Variants in UBIAD1 observed in about 807,000 individuals in gnomAD.
The protein encoded by UBIAD1 is UbiA prenyltransferase domain containing 1, also known as ubiA prenyltransferase domain-containing protein 1.
Under a neutral mutation model 20.1 loss-of-function variants are expected in UBIAD1, and 12 were observed. The observed-to-expected ratio is 0.60, with a 90% CI of 0.38 to 0.97. UBIAD1 has a LOEUF of 0.97. Ranked by LOEUF, UBIAD1 falls within the 50% of genes least tolerant of loss-of-function variation. The pLI is 0.00. For missense variants in UBIAD1, 333 were observed against 419.5 expected, an observed-to-expected ratio of 0.79 and a Z score of 1.80; for synonymous variants, 207 against 189.2, an observed-to-expected ratio of 1.09 and a Z score of -0.77.
intron 1 of UBIAD1, among the ~76,000 whole-genome samples, chr1:11,282,738 T>C (rs1652284094): frequency 6.7e-6 from 1 of 148,800 alleles, no homozygotes; most frequent in Non-Finnish European, 1.5e-5. Flanking sequence ...AATTTTTTTT[T>C]GTATTTTTAG....
chr1:11,279,256 G>C (rs1282456869), intron 1 of UBIAD1: 1 of 228,482 alleles, frequency 4.4e-6, no homozygotes, highest in Non-Finnish European at 9.5e-6. Context: ...TAAGGCCCCA[G>C]TTAATCATAC....
At chr1:11,290,485 C>T (rs1012661658), downstream of UBIAD1, among the ~76,000 whole-genome samples, 6 of 152,222 alleles carry the variant, frequency 3.9e-5, no homozygotes, top group African/African-American at 1.4e-4. Context: ...AGTCTTGGAG[C>T]ACTACCACTC....
chr1:11,280,913 C>T (rs1471585611), intron 1 of UBIAD1, among the ~76,000 whole-genome samples: 2 of 152,172 alleles, frequency 1.3e-5, no homozygotes, highest in African/African-American at 4.8e-5. Flanking sequence ...TCTTCAGTGG[C>T]TCCCATCTTG....
chr1:11,294,721 G>A (rs995453409), intron 1 of UBIAD1, among the ~76,000 whole-genome samples: 1 of 152,166 alleles, frequency 6.6e-6, no homozygotes, highest in African/African-American at 2.4e-5. Context: ...TGGCTGGCTG[G>A]GCGAAAGTTA....
downstream of UBIAD1, among the ~76,000 whole-genome samples, chr1:11,292,420 G>T (rs1039611275): frequency 1.3e-5 from 2 of 152,130 alleles, no homozygotes; most frequent in East Asian, 1.9e-4. Flanking sequence ...ATGATTCCTC[G>T]TCAGGAACAT....
intron 1 of UBIAD1, among the ~76,000 whole-genome samples, chr1:11,274,942 TA>T (rs939156673): frequency 6.6e-6 from 1 of 152,152 alleles, no homozygotes; most frequent in Admixed American, 6.6e-5. Context: ...TTTTTTTTTT[TA>T]ATCACTCATA....
In UBIAD1 at chr1:11,288,318, G is replaced by A. The variant is rs886045086; in HGVS notation, c.*2187G>A. ...ATTTTTATATATAAATGTTCCCAAA[G>A]GCCAAATTTGTTGCCAGGTTTTATA... On this transcript the variant is annotated 3_prime_UTR_variant, in exon 2 of 2. Coordinates refer to ENST00000376810, the MANE Select transcript of UBIAD1 (RefSeq NM_013319.3). 6.6e-6 allele frequency: 1 copy of A among 152,140 alleles called. No individual in the cohort carries two copies. Among genetic ancestry groups the A allele is most frequent in the African/African-American group, 2.4e-5 (1 of 41,422 alleles). The allele number at this position is 152,140 out of a possible 1,614,324, so 9.4% of individuals were successfully genotyped here. A position where few individuals can be genotyped will look rare whatever the true frequency, so the allele number is the denominator to read the frequency against.
chr1:11,277,412 T>A (rs1231751234), intron 1 of UBIAD1, among the ~76,000 whole-genome samples: 1 of 151,330 alleles, frequency 6.6e-6, no homozygotes, highest in Non-Finnish European at 1.5e-5. Context: ...TCCCAGTAGC[T>A]GGGATTACAG....
In UBIAD1 at chr1:11,285,019, A is replaced by AG. The variant is rs755990425; in HGVS notation, c.530-623dup. On this transcript the variant is annotated intron_variant, in intron 1 of 1. Transcript: ENST00000376810. The surrounding 1 kb of genome is among the most constrained non-coding windows in gnomAD (Gnocchi z 4.4). ...AGTAGATGAGCAGGACAGAAACAGG[A>AG]GGTAGGGGTGGTTTAGTTTCAATCT... Among the ~76,000 whole-genome samples, 12 of 152,244 alleles carry AG rather than the reference A, an allele frequency of 7.9e-5. No individual in the cohort carries two copies. The highest frequency in any genetic ancestry group is 1.5e-4 in the Non-Finnish European group (10 of 68,010).
At chr1:11,295,914 T>C (rs1638439970), downstream of UBIAD1, 1 of 152,212 alleles carries the variant, frequency 6.6e-6, no homozygotes, top group South Asian at 2.1e-4. Context: ...ACATAGACAC[T>C]TGTCCCTAGA....
At chr1:11,280,995 C>T (rs115405820) in intron 1 of UBIAD1, among the ~76,000 whole-genome samples, 1,738 of 152,108 alleles carry the variant, frequency 0.011, 12 homozygotes, top group Non-Finnish European at 0.017. Context: ...TTTTGCCCTC[C>T]CCCCAGTTCT....
chr1:11,281,393 C>T (rs898225237), intron 1 of UBIAD1, among the ~76,000 whole-genome samples: 1 of 152,162 alleles, frequency 6.6e-6, no homozygotes, highest in Admixed American at 6.5e-5. Flanking sequence ...TCCCTCCCTG[C>T]AGTCAGGGAT....
At position 11,277,717 on chromosome 1, in the gene UBIAD1, G is replaced by T. The variant is rs148081534; in HGVS notation, c.529+3657G>T. On this transcript the variant is annotated intron_variant, in intron 1 of 1. Coordinates refer to ENST00000376810, the MANE Select transcript of UBIAD1 (RefSeq NM_013319.3). ...GGCTGGAGTACAATGGCACGATCTC[G>T]GCTCACCACAACCTCCACCTCCGGG... Among the ~76,000 whole-genome samples the T allele has an allele frequency of 9.0e-3, 1,373 of 152,082 alleles. 27 individuals are homozygous for T. Among genetic ancestry groups the T allele is most frequent in the African/African-American group, 0.031 (1,296 of 41,472 alleles).
At chr1:11,284,744 G>A (rs1638222325) in intron 1 of UBIAD1, among the ~76,000 whole-genome samples, 1 of 152,184 alleles carries the variant, frequency 6.6e-6, no homozygotes, top group Non-Finnish European at 1.5e-5. Flanking sequence ...GATTACAGGT[G>A]TGAGCCACTG....
intron 1 of UBIAD1, among the ~76,000 whole-genome samples, chr1:11,282,103 C>A (rs996849830): frequency 5.3e-5 from 8 of 152,104 alleles, no homozygotes; most frequent in Non-Finnish European, 7.4e-5. Flanking sequence ...TGGGTAAATG[C>A]CCAGGAGTAG....
chr1:11,287,551 C>A lies in UBIAD1; in HGVS notation c.*1420C>A, dbSNP rs1004129854. On this transcript the variant is annotated 3_prime_UTR_variant, in exon 2 of 2. Transcript: ENST00000376810. ...GCAGAAAATGATGTAAGAACTAGTT[C>A]TTAATCTTTCAGATCAAGCTAATGA... The A allele has an allele frequency of 2.0e-5, 3 of 152,170 alleles. No individual in the cohort carries two copies. The highest frequency in any genetic ancestry group is 7.2e-5 in the African/African-American group (3 of 41,428). The allele number at this position is 152,170 out of a possible 1,614,324, so 9.4% of individuals were successfully genotyped here.
In UBIAD1 at chr1:11,273,614, G is replaced by A. The variant is rs777386973; in HGVS notation, c.83G>A (p.Gly28Glu). The change falls in exon 1 of 2, where the codon GGG (glycine) becomes GAG (glutamate). Residue 28 changes from glycine to glutamate, a missense_variant. Physicochemically the swap from Gly to Glu is moderately conservative, Grantham distance 98 (BLOSUM62 -2). Around this residue, in one of 3 missense-constraint regions of UBIAD1, gnomAD observed 57 missense variants for 54.7 expected, o/e 1.04. Transcript: ENST00000376810. This position sits in a 1 kb window ranked among gnomAD's most constrained non-coding sequence, Gnocchi z 4.9. ...TVKAGDRDPLGNDCPEQDRLP... is the reference protein window; with the variant it reads ...TVKAGDRDPLENDCPEQDRLP... ...AAAGCTGGGGACAGGGACCCGCTGG[G>A]GAACGACTGTCCCGAGCAAGATAGG... The A allele has an allele frequency of 5.0e-6, 8 of 1,614,022 alleles. No individual in the cohort carries two copies. The Admixed American group carries it at 1.3e-4, about 27-fold the overall frequency.
intron 1 of UBIAD1, among the ~76,000 whole-genome samples, chr1:11,274,476 T>C (rs1207273748): frequency 6.6e-6 from 1 of 151,406 alleles, no homozygotes; most frequent in East Asian, 1.9e-4. Flanking sequence ...TTTTTGTATT[T>C]TTATTAGAGA....
chr1:11,274,150 G>A (rs1270419678), intron 1 of UBIAD1, 90 bp downstream of exon 1: 6 of 1,524,186 alleles, frequency 3.9e-6, no homozygotes, highest in Non-Finnish European at 5.4e-6. Context: ...GATGTCAAAG[G>A]TGGCTTTCTA....
Sources: gnomAD v4.1 joint callset for allele counts (sites outside exome capture counted in the v4.1 genomes callset) on GRCh38, gnomAD v4.1.1 for gene constraint, gnomAD v4.1.1 regional missense constraint, Gnocchi (gnomAD v3.1) non-coding constraint, MANE v1.5 for transcripts, NCBI Gene and HGNC (gene_info 2026-07-23, HGNC 2026-07-21) for gene names.